The following RBCK1 variants were observed in gnomAD, a reference collection of about 807,000 sequenced individuals.
RBCK1 encodes ranBP-type and C3HC4-type zinc finger-containing protein 1.
In RBCK1, 44 loss-of-function variants were observed where a neutral mutation model predicts 71.1. The observed-to-expected ratio is 0.62, with a 90% CI of 0.49 to 0.80. The LOEUF is 0.80. RBCK1 is among the 30% of genes least tolerant of loss of function. The pLI, the probability that RBCK1 is intolerant of heterozygous loss-of-function variation, is 0.00. For missense variants in RBCK1, 569 were observed against 685.0 expected, an observed-to-expected ratio of 0.83 and a Z score of 1.89; for synonymous variants, 306 against 279.7, an observed-to-expected ratio of 1.09 and a Z score of -0.94.
Position 430,363 on chromosome 20 carries a change from CCAG to C in RBCK1, c.1468_1470del (p.Ser490del). On this transcript the variant is annotated inframe_deletion, in exon 12 of 12. Coordinates refer to ENST00000356286, the MANE Select transcript of RBCK1 (RefSeq NM_031229.4). The surrounding 1 kb of genome is among the most constrained non-coding windows in gnomAD (Gnocchi z 5.6). ...CCCATCCTCTAGGGCCCAGGAGACA[CCAG>C]CGGGGGCTGCCGCTGCAGGGTAAAT... The C allele has an allele frequency of 6.2e-7, 1 of 1,611,542 alleles. No individual in the cohort carries two copies. Among genetic ancestry groups the C allele is most frequent in the Non-Finnish European group, 8.5e-7 (1 of 1,177,740 alleles).
chr20:419,685 G>C lies in RBCK1; in HGVS notation c.710G>C (p.Arg237Pro), dbSNP rs770302308. 3 of 1,576,950 alleles carry C rather than the reference G, an allele frequency of 1.9e-6. No individual in the cohort carries two copies. Among genetic ancestry groups the C allele is most frequent in the East Asian group, 2.3e-5 (1 of 42,976 alleles). The part of the protein sequence containing the change: ...PASYQPDEEE[R>P]ARLAGEEEAL... ...TCATACCAGCCCGACGAGGAGGAGC[G>C]AGCGCGCCTGGCGGGCGAGGAGGAG... is the stretch of plus-strand genomic sequence containing the variant. Residue 237 changes from arginine to proline, a missense_variant, in exon 6 of 12, where the codon CGA becomes CCA. Around this residue, in one of 2 missense-constraint regions of RBCK1, gnomAD observed 358 missense variants for 375.6 expected, o/e 0.95. Coordinates refer to ENST00000356286, the MANE Select transcript of RBCK1 (RefSeq NM_031229.4).
intron 8 of RBCK1, among the ~76,000 whole-genome samples, chr20:423,213 C>T (rs1215687849): frequency 1.3e-5 from 2 of 151,958 alleles, no homozygotes; most frequent in Admixed American, 6.6e-5. Context: ...GCAGGGGAAT[C>T]GCTTGAACCC....
chr20:409,867 G>C lies in RBCK1; in HGVS notation c.23-14G>C. 6.2e-7 allele frequency: 1 copy of C among 1,612,486 alleles called. No individual in the cohort carries two copies. On this transcript the variant is annotated splice_polypyrimidine_tract_variant and intron_variant, in intron 1 of 11. Coordinates refer to ENST00000356286, the MANE Select transcript of RBCK1 (RefSeq NM_031229.4). ...AACCCTGTGCTAACTGGCTCCTGCT[G>C]TACTGGCTTTCAGCAGAGGAAATGG... is the stretch of plus-strand genomic sequence containing the variant.
At chr20:420,390 G>T (rs983658676) in intron 6 of RBCK1, 1 of 984,314 alleles carries the variant, frequency 1.0e-6, no homozygotes, top group Non-Finnish European at 1.2e-6. Flanking sequence ...CTTGGACCCG[G>T]TGCTGCCCCT....
chr20:424,409 A>C (rs1337224144), intron 8 of RBCK1, among the ~76,000 whole-genome samples: 1 of 111,694 alleles, frequency 9.0e-6, no homozygotes, highest in Non-Finnish European at 2.2e-5. Context: ...CACAAAACAC[A>C]TACACAGACC....
chr20:420,642 C>G, intron 6 of RBCK1: 1 of 905,154 alleles, frequency 1.1e-6, no homozygotes. Context: ...CCCAGCCCCG[C>G]CCCTCCCAAC....
chr20:408,575 C>G lies in RBCK1; in HGVS notation c.-183C>G. 1.4e-6 allele frequency: 1 copy of G among 737,796 alleles called. No homozygotes were observed. Among genetic ancestry groups the G allele is most frequent in the Non-Finnish European group, 2.3e-6 (1 of 433,232 alleles). 45.7% of individuals were successfully genotyped at this position (737,796 alleles called of 1,614,324 possible). A position where few individuals can be genotyped will look rare whatever the true frequency, so the allele number is the denominator to read the frequency against. Reference sequence around the variant, plus strand: ...CCACGCAGGATCCCGGCCTGGTCACCGGGCAGTGTGATGCTTCCCGACTGC... The same window carrying G: ...CCACGCAGGATCCCGGCCTGGTCACGGGGCAGTGTGATGCTTCCCGACTGC... On this transcript the variant is annotated 5_prime_UTR_variant, in exon 1 of 12. Coordinates refer to ENST00000356286, the MANE Select transcript of RBCK1 (RefSeq NM_031229.4).
rs2015501993 is a variant in RBCK1 at position 408,500 on chromosome 20, T to G, written c.-258T>G. On this transcript the variant is annotated 5_prime_UTR_variant, in exon 1 of 12. Transcript: ENST00000356286. ...TCCCACCTCGGCTGGTCCCGTTTCC[T>G]CCTGCGCCCAGTGCGGACCTGTCTC... 1.8e-6 allele frequency: 1 copy of G among 561,738 alleles called. No individual in the cohort carries two copies. 34.8% of individuals were successfully genotyped at this position (561,738 alleles called of 1,614,324 possible). A position where few individuals can be genotyped will look rare whatever the true frequency, so the allele number is the denominator to read the frequency against.
chr20:419,833 C>T (rs1600293909), intron 6 of RBCK1, 102 bp downstream of exon 6: 3 of 1,452,856 alleles, frequency 2.1e-6, no homozygotes. Flanking sequence ...CCGTTACTGC[C>T]TTGCCCCTCC....
chr20:418,295 A>C (rs569130647), intron 4 of RBCK1, among the ~76,000 whole-genome samples: 1 of 152,378 alleles, frequency 6.6e-6, no homozygotes, highest in Non-Finnish European at 1.5e-5. Context: ...TCAGACCTAC[A>C]GAAAAGTTGC....
chr20:411,614 G>T (rs908706578), intron 2 of RBCK1, among the ~76,000 whole-genome samples: 1 of 152,128 alleles, frequency 6.6e-6, no homozygotes. Flanking sequence ...TGATCCGCCC[G>T]CCTATGCCTC....
Position 422,326 on chromosome 20 carries a change from T to A in RBCK1, c.1029+88T>A. 2 of 1,134,804 alleles carry A rather than the reference T, an allele frequency of 1.8e-6. No homozygotes were observed. Among genetic ancestry groups the A allele is most frequent in the Non-Finnish European group, 2.6e-6 (2 of 777,962 alleles). 70.3% of individuals were successfully genotyped at this position (1,134,804 alleles called of 1,614,324 possible). The stretch of plus-strand genomic sequence containing the variant: ...AGGCAGCAGACATCTTTCTTTTCTT[T>A]CTTTTTTTTTTTTGGAGATGGGGTC... On this transcript the variant is annotated intron_variant, in intron 8 of 11. Coordinates refer to ENST00000356286, the MANE Select transcript of RBCK1 (RefSeq NM_031229.4). This position sits in a 1 kb window ranked among gnomAD's most constrained non-coding sequence, Gnocchi z 5.0.
chr20:427,778 A>G (rs1568566727), intron 9 of RBCK1, among the ~76,000 whole-genome samples: 1 of 152,134 alleles, frequency 6.6e-6, no homozygotes, highest in Non-Finnish European at 1.5e-5. Flanking sequence ...ACTGAATCCC[A>G]GTCCCACATT....
chr20:408,645 G>C lies in RBCK1; in HGVS notation c.-113G>C. 1 of 1,424,246 alleles carries C rather than the reference G, an allele frequency of 7.0e-7. No homozygotes were observed. Among genetic ancestry groups the C allele is most frequent in the South Asian group, 1.2e-5 (1 of 81,970 alleles). 88.2% of individuals were successfully genotyped at this position (1,424,246 alleles called of 1,614,324 possible). On this transcript the variant is annotated 5_prime_UTR_variant, in exon 1 of 12. Coordinates refer to ENST00000356286, the MANE Select transcript of RBCK1 (RefSeq NM_031229.4). ...ACACAGGGCTTGGGCCGCGCCGGAG[G>C]CCACACGGCCTGGCTGAGTTGCTCC...
rs549369680 is a variant in RBCK1 at position 419,671 on chromosome 20, C to G, written c.696C>G (p.Pro232=). The change falls in exon 6 of 12, where the codon CCC becomes CCG. Residue 232 remains proline (P), a synonymous_variant. Coordinates refer to ENST00000356286, the MANE Select transcript of RBCK1 (RefSeq NM_031229.4). Reference sequence around the variant, plus strand: ...ACCAGGTCCCCGCCTCATACCAGCCCGACGAGGAGGAGCGAGCGCGCCTGG... The same window carrying G: ...ACCAGGTCCCCGCCTCATACCAGCCGGACGAGGAGGAGCGAGCGCGCCTGG... The part of the protein sequence containing the change: ...EAYQVPASYQ[P]DEEERARLAG... The G allele has an allele frequency of 2.9e-5, 46 of 1,581,388 alleles. No homozygotes were observed. The highest frequency in any genetic ancestry group is 2.1e-4 in the East Asian group (9 of 43,218).
chr20:416,729 G>C (rs2016013356), intron 2 of RBCK1, among the ~76,000 whole-genome samples: 1 of 152,206 alleles, frequency 6.6e-6, no homozygotes, highest in Non-Finnish European at 1.5e-5. Flanking sequence ...GCTGAACACA[G>C]TGGCTTACTC....
chr20:411,630 G>A (rs1313061529), intron 2 of RBCK1, among the ~76,000 whole-genome samples: 1 of 151,838 alleles, frequency 6.6e-6, no homozygotes, highest in African/African-American at 2.4e-5. Context: ...GCCTCCCAAT[G>A]TGCTGGGACT....
At position 408,725 on chromosome 20, in the gene RBCK1, TC is replaced by T. The variant is rs370182004; in HGVS notation, c.-26del. ...AGGTAGCATTTCCCAGGAGGCACGG[TC>T]CCCCCCAGGGGGATGGGCACAGCCA... is the stretch of plus-strand genomic sequence containing the variant. On this transcript the variant is annotated 5_prime_UTR_variant, in exon 1 of 12. Coordinates refer to ENST00000356286, the MANE Select transcript of RBCK1 (RefSeq NM_031229.4). The T allele has an allele frequency of 9.4e-4, 1,508 of 1,611,194 alleles. 18 individuals are homozygous for T. In the African/African-American group the frequency reaches 0.017, roughly 19 times the overall value.
rs2016031812 is a variant in RBCK1 at position 417,082 on chromosome 20, C to T, written c.168-444C>T. 1 of 406,374 alleles carries T rather than the reference C, an allele frequency of 2.5e-6. No individual in the cohort carries two copies. The highest frequency in any genetic ancestry group is 5.1e-6 in the Non-Finnish European group (1 of 195,074). 25.2% of individuals were successfully genotyped at this position (406,374 alleles called of 1,614,324 possible). ...GTCACTGGAACCTATCTGTGCCTCA[C>T]ATTTTTATCTGTAAAACAGGGATAC... On this transcript the variant is annotated intron_variant, in intron 2 of 11. Coordinates refer to ENST00000356286, the MANE Select transcript of RBCK1 (RefSeq NM_031229.4). The surrounding 1 kb of genome is among the most constrained non-coding windows in gnomAD (Gnocchi z 4.7).
Sources: gnomAD v4.1 joint callset for allele counts (sites outside exome capture counted in the v4.1 genomes callset) on GRCh38, gnomAD v4.1.1 for gene constraint, gnomAD v4.1.1 regional missense constraint, Gnocchi (gnomAD v3.1) non-coding constraint, MANE v1.5 for transcripts, NCBI Gene and HGNC (gene_info 2026-07-23, HGNC 2026-07-21) for gene names.